The following SYNDIG1L variants were observed in gnomAD, a reference collection of about 807,000 sequenced individuals.
The protein encoded by SYNDIG1L is synapse differentiation-inducing gene protein 1-like.
In SYNDIG1L, 13 loss-of-function variants were observed where a neutral mutation model predicts 20.1. The ratio of observed to expected loss-of-function variants is 0.65; its 90% CI spans 0.42 to 1.03. The LOEUF is 1.03. SYNDIG1L is among the 50% of genes least tolerant of loss of function. The pLI, the probability that SYNDIG1L is intolerant of heterozygous loss-of-function variation, is 0.00. For missense variants in SYNDIG1L, 294 were observed against 305.1 expected, an observed-to-expected ratio of 0.96 and a Z score of 0.27; for synonymous variants, 128 against 129.3, an observed-to-expected ratio of 0.99 and a Z score of 0.07.
intron 1 of SYNDIG1L, among the ~76,000 whole-genome samples, chr14:74,425,066 C>G (rs972512485): frequency 2.6e-5 from 4 of 152,136 alleles, no homozygotes; most frequent in Non-Finnish European, 5.9e-5. Context: ...AAGGGTAGGC[C>G]AATTCTTCCT....
intron 1 of SYNDIG1L, among the ~76,000 whole-genome samples, chr14:74,420,662 A>T (rs2086214283): frequency 6.6e-6 from 1 of 152,228 alleles, no homozygotes; most frequent in Non-Finnish European, 1.5e-5. Flanking sequence ...GGGTAGCCTG[A>T]ACACAAATGA....
chr14:74,445,588 C>A, the SYNDIG1L span, among the ~76,000 whole-genome samples: 1 of 152,026 alleles, frequency 6.6e-6, no homozygotes, highest in South Asian at 2.1e-4. Flanking sequence ...GATTCTCCTG[C>A]CTCAGCCTCC....
the SYNDIG1L span, among the ~76,000 whole-genome samples, chr14:74,444,514 G>GCCGA: frequency 1.3e-5 from 2 of 151,894 alleles, no homozygotes; most frequent in African/African-American, 4.8e-5. Flanking sequence ...ACTTTGGGAG[G>GCCGA]CCGAGATGGG....
chr14:74,409,345 C>A lies in SYNDIG1L; in HGVS notation c.400G>T (p.Asp134Tyr). 6.4e-7 allele frequency: 1 copy of A among 1,561,260 alleles called. No individual in the cohort carries two copies. The highest frequency in any genetic ancestry group is 1.2e-5 in the South Asian group (1 of 83,702). Residue 134 changes from aspartate (D) to tyrosine (Y), a missense_variant, in exon 2 of 4, where the codon GAC becomes TAC. Asp to Tyr is a radical substitution (Grantham distance 160). Coordinates refer to ENST00000331628, the MANE Select transcript of SYNDIG1L (RefSeq NM_001105579.2). The part of the protein sequence containing the change: ...VQEELRDQED[D>Y]QEEEESDATS... ...GCACTCACCTCCTCTTCCTCCTGGT[C>A]ATCCTCCTGGTCCCGCAGCTCCTCT... is the stretch of plus-strand genomic sequence containing the variant.
chr14:74,466,084 C>T, the SYNDIG1L span, among the ~76,000 whole-genome samples: 1 of 152,218 alleles, frequency 6.6e-6, no homozygotes, highest in Admixed American at 6.5e-5. Context: ...GCTTAGCTCC[C>T]CCTTCCCATT....
the SYNDIG1L span, among the ~76,000 whole-genome samples, chr14:74,466,915 T>C: frequency 6.6e-6 from 1 of 152,212 alleles, no homozygotes; most frequent in Non-Finnish European, 1.5e-5. Flanking sequence ...CAAGTTTTCC[T>C]GGAGACAGGA....
chr14:74,472,560 C>T, the SYNDIG1L span, among the ~76,000 whole-genome samples: 4 of 152,184 alleles, frequency 2.6e-5, no homozygotes, highest in Non-Finnish European at 5.9e-5. Context: ...CTTCAAGGGA[C>T]TGGGAAAGCC....
At chr14:74,462,651 G>A in the SYNDIG1L span, among the ~76,000 whole-genome samples, 1 of 152,022 alleles carries the variant, frequency 6.6e-6, no homozygotes, top group Non-Finnish European at 1.5e-5. Context: ...GACTATAGGT[G>A]TGTGCCACTA....
Position 74,406,436 on chromosome 14 carries a change from C to T in SYNDIG1L, c.*1099G>A. On this transcript the variant is annotated 3_prime_UTR_variant, in exon 4 of 4. Transcript: ENST00000331628. ...AGCTTCCCATGGAAGGTTCCTGCCA[C>T]ATCCCTGCCTACAAATACAAAGAGT... 1 of 214,648 alleles carries T rather than the reference C, an allele frequency of 4.7e-6. No homozygotes were observed. The highest frequency in any genetic ancestry group is 9.1e-6 in the Non-Finnish European group (1 of 109,434). The allele number at this position is 214,648 out of a possible 1,614,324, so 13.3% of individuals were successfully genotyped here.
chr14:74,417,999 A>G (rs2139627780), intron 1 of SYNDIG1L, among the ~76,000 whole-genome samples: 1 of 152,360 alleles, frequency 6.6e-6, no homozygotes, highest in East Asian at 1.9e-4. Flanking sequence ...GATTGCTTTT[A>G]AACTGAGAGA....
chr14:74,476,277 C>T, the SYNDIG1L span: 1 of 607,208 alleles, frequency 1.6e-6, no homozygotes, highest in Non-Finnish European at 2.9e-6. Flanking sequence ...TGATCTGGCA[C>T]ACCCAGCAGC....
chr14:74,444,933 A>T, the SYNDIG1L span, among the ~76,000 whole-genome samples: 4 of 152,212 alleles, frequency 2.6e-5, no homozygotes, highest in Admixed American at 2.6e-4. Flanking sequence ...TTCTTTAATT[A>T]ATCAGCAATG....
chr14:74,422,693 TTTTC>T (rs938342647), intron 1 of SYNDIG1L, among the ~76,000 whole-genome samples: 3 of 96,784 alleles, frequency 3.1e-5, no homozygotes, highest in African/African-American at 6.7e-5. Flanking sequence ...TTTCTCTTTT[TTTTC>T]TTTCTTTCTT....
chr14:74,446,663 C>T, the SYNDIG1L span, among the ~76,000 whole-genome samples: 2 of 147,532 alleles, frequency 1.4e-5, no homozygotes, highest in Non-Finnish European at 3.0e-5. Context: ...CTTTCCCAGG[C>T]TGGAGTGTAG....
the SYNDIG1L span, among the ~76,000 whole-genome samples, chr14:74,464,725 C>G: frequency 9.9e-5 from 15 of 152,106 alleles, no homozygotes; most frequent in Admixed American, 8.5e-4. Context: ...CCCTGTCCCT[C>G]GGTTTCCTCC....
the SYNDIG1L span, among the ~76,000 whole-genome samples, chr14:74,447,655 T>C: frequency 1.3e-5 from 2 of 151,922 alleles, no homozygotes; most frequent in Non-Finnish European, 2.9e-5. Context: ...AGTGGCAGAT[T>C]TTAATACTTT....
At chr14:74,462,618 G>A in the SYNDIG1L span, among the ~76,000 whole-genome samples, 1 of 151,992 alleles carries the variant, frequency 6.6e-6, no homozygotes, top group Non-Finnish European at 1.5e-5. Flanking sequence ...TGATCCTCCT[G>A]CCTCAGCTTC....
chr14:74,449,456 A>AAAAAAAAAAAAAAAAAAC, the SYNDIG1L span, among the ~76,000 whole-genome samples: 1 of 142,522 alleles, frequency 7.0e-6, no homozygotes, highest in Non-Finnish European at 1.5e-5. Context: ...AAAAAAAAAA[A>AAAAAAAAAAAAAAAAAAC]AAAAAAAAAG....
chr14:74,464,345 C>G, the SYNDIG1L span, among the ~76,000 whole-genome samples: 4 of 152,188 alleles, frequency 2.6e-5, no homozygotes, highest in South Asian at 6.2e-4. Context: ...TACCTTGGTC[C>G]CTAAATGAAT....
Sources: allele counts gnomAD v4.1 joint callset (sites outside exome capture counted in the v4.1 genomes callset), GRCh38; gene constraint gnomAD v4.1.1; transcripts MANE v1.5; gene names NCBI Gene and HGNC (gene_info 2026-07-23, HGNC 2026-07-21).